The following MTG1 variants were observed in gnomAD, a reference collection of about 807,000 sequenced individuals.
The protein encoded by MTG1 is mitochondrial ribosome-associated GTPase 1.
Under a neutral mutation model 39.5 loss-of-function variants are expected in MTG1, and 30 were observed. The ratio of observed to expected loss-of-function variants is 0.76; its 90% CI spans 0.57 to 1.03. The LOEUF is 1.03. MTG1 is among the 50% of genes least tolerant of loss of function. The pLI is 0.00. For synonymous variants in MTG1, 217 were observed against 179.0 expected, an observed-to-expected ratio of 1.21 and a Z score of -1.69; for missense variants, 513 against 447.4, an observed-to-expected ratio of 1.15 and a Z score of -1.32.
At chr10:133,399,030 T>C (rs1427589750) in intron 4 of MTG1, 140 bp from the exon 5 acceptor site, 4 of 895,144 alleles carry the variant, frequency 4.5e-6, no homozygotes, top group Non-Finnish European at 7.2e-6. Flanking sequence ...GAATTCCAGA[T>C]AGGAGGTTTC....
Position 133,422,389 on chromosome 10 carries a change from G to T in MTG1, c.*2224G>T, listed in dbSNP as rs1850261287. 6.6e-6 allele frequency: 1 copy of T among 152,384 alleles called. No homozygotes were observed. The highest frequency in any genetic ancestry group is 6.5e-5 in the Admixed American group (1 of 15,290). The allele number at this position is 152,384 out of a possible 1,614,324, so 9.4% of individuals were successfully genotyped here. A position where few individuals can be genotyped will look rare whatever the true frequency, so the allele number is the denominator to read the frequency against. On this transcript the variant is annotated 3_prime_UTR_variant, in exon 11 of 11. Coordinates refer to ENST00000317502, the MANE Select transcript of MTG1 (RefSeq NM_138384.4). ...CTTCAGCGGGATTGGCAGTTGCTGT[G>T]CCCTGAGAACAGGCAGAACTGTGTG... is the stretch of plus-strand genomic sequence containing the variant.
chr10:133,409,162 C>T (rs1005853122), intron 9 of MTG1, among the ~76,000 whole-genome samples: 1 of 151,698 alleles, frequency 6.6e-6, no homozygotes, highest in Non-Finnish European at 1.5e-5. Flanking sequence ...CTTTTTTTAG[C>T]GTAGGTGTTT....
chr10:133,410,571 A>G (rs564620026), intron 9 of MTG1, among the ~76,000 whole-genome samples: 12 of 152,298 alleles, frequency 7.9e-5, no homozygotes, highest in African/African-American at 2.9e-4. Context: ...TATGTAGTGT[A>G]CCATCAGGCT....
At chr10:133,398,306 A>G (rs1849818428) in intron 3 of MTG1, 129 bp from the exon 4 acceptor site, 2 of 816,388 alleles carry the variant, frequency 2.4e-6, no homozygotes, top group Admixed American at 5.3e-5. Context: ...AGGCTGAGGC[A>G]TGAGAATCGC....
chr10:133,396,041 G>A (rs1268011389), intron 2 of MTG1, 122 bp from the exon 3 acceptor site: 3 of 944,138 alleles, frequency 3.2e-6, no homozygotes, highest in Non-Finnish European at 5.1e-6. Context: ...CTGCCAACTG[G>A]GGCTTTTCTC....
intron 7 of MTG1, 84 bp downstream of exon 7, chr10:133,401,674 G>C (rs755503050): frequency 3.7e-6 from 5 of 1,360,942 alleles, no homozygotes; most frequent in Non-Finnish European, 5.2e-6. Flanking sequence ...GTGGCTTCCG[G>C]CTGCTGACCA....
intron 1 of MTG1, among the ~76,000 whole-genome samples, chr10:133,395,291 A>G (rs1849765463): frequency 6.6e-6 from 1 of 152,130 alleles, no homozygotes; most frequent in African/African-American, 2.4e-5. Flanking sequence ...GCTACTCGGG[A>G]GGCTGAGGCA....
chr10:133,400,519 C>T (rs1021666375), intron 6 of MTG1, among the ~76,000 whole-genome samples: 2 of 152,312 alleles, frequency 1.3e-5, no homozygotes, highest in Middle Eastern at 6.8e-3. Context: ...ATTAACAAAC[C>T]CATTCATGAT....
chr10:133,419,970 G>T, intron 10 of MTG1, 56 bp from the exon 11 acceptor site: 1 of 1,556,960 alleles, frequency 6.4e-7, no homozygotes. Flanking sequence ...GTGGGTAAGG[G>T]CTGGGCCTGT....
At position 133,416,483 on chromosome 10, in the gene MTG1, A is replaced by G. The variant is rs558169751; in HGVS notation, c.753-2997A>G. Among the ~76,000 whole-genome samples, 14 of 151,428 alleles carry G rather than the reference A, an allele frequency of 9.2e-5. No individual in the cohort carries two copies. The South Asian group carries it at 2.7e-3, about 29-fold the overall frequency. ...TTAGTTACATATGTACACATGTGCC[A>G]TGCTGGTGTACTGCACCCATTAACT... On this transcript the variant is annotated intron_variant, in intron 9 of 10. Transcript: ENST00000317502.
chr10:133,396,429 C>T (rs1231509120), intron 3 of MTG1, among the ~76,000 whole-genome samples, 162 bp downstream of exon 3: 1 of 152,226 alleles, frequency 6.6e-6, no homozygotes, highest in Non-Finnish European at 1.5e-5. Flanking sequence ...AGCATCGTTT[C>T]TCATATGGCG....
At chr10:133,398,289 A>G in intron 3 of MTG1, 146 bp from the exon 4 acceptor site, 1 of 698,374 alleles carries the variant, frequency 1.4e-6, no homozygotes, top group East Asian at 2.9e-5. Context: ...AATCCCTGCT[A>G]CTTGGGAGGC....
chr10:133,400,344 C>T (rs577588091), intron 6 of MTG1, among the ~76,000 whole-genome samples: 4 of 152,372 alleles, frequency 2.6e-5, no homozygotes, highest in Admixed American at 6.5e-5. Context: ...TCCTGGACTC[C>T]GGAGTCGCAG....
chr10:133,415,500 G>A (rs74162008), intron 9 of MTG1, among the ~76,000 whole-genome samples: 10,986 of 152,072 alleles, frequency 0.072, 419 homozygotes, highest in Middle Eastern at 0.13. Context: ...TCACTTGCGT[G>A]GTGTCTGATG....
intron 3 of MTG1, among the ~76,000 whole-genome samples, chr10:133,397,452 T>G (rs1003921293): frequency 6.6e-6 from 1 of 151,262 alleles, no homozygotes; most frequent in Non-Finnish European, 1.5e-5. Context: ...AGCTGTCTTT[T>G]CTTTTATCTC....
intron 9 of MTG1, among the ~76,000 whole-genome samples, chr10:133,404,334 C>T (rs1226470214): frequency 6.6e-6 from 1 of 151,962 alleles, no homozygotes; most frequent in Non-Finnish European, 1.5e-5. Flanking sequence ...CCCATGTTGC[C>T]CAGGCTGGTC....
At position 133,402,547 on chromosome 10, in the gene MTG1, C is replaced by T; in HGVS notation, c.671-145C>T. 1.3e-6 allele frequency: 1 copy of T among 787,730 alleles called. No homozygotes were observed. Among genetic ancestry groups the T allele is most frequent in the South Asian group, 1.7e-5 (1 of 58,010 alleles). The allele number at this position is 787,730 out of a possible 1,614,324, so 48.8% of individuals were successfully genotyped here. ...GGCCGGGACCACAGCCGAGTGCCGTCCTCTTGGTTAGTGTCTTTGTCAGTG... is the reference window on the plus strand; with the variant it reads ...GGCCGGGACCACAGCCGAGTGCCGTTCTCTTGGTTAGTGTCTTTGTCAGTG... On this transcript the variant is annotated intron_variant, in intron 8 of 10. Coordinates refer to ENST00000317502, the MANE Select transcript of MTG1 (RefSeq NM_138384.4). This position sits in a 1 kb window ranked among gnomAD's most constrained non-coding sequence, Gnocchi z 4.7.
At chr10:133,412,301 A>G (rs1589916876) in intron 9 of MTG1, among the ~76,000 whole-genome samples, 1 of 152,148 alleles carries the variant, frequency 6.6e-6, no homozygotes. Context: ...TTTTGATACT[A>G]TTGTAAATGG....
chr10:133,395,067 G>GAGCCAGTGTTACTCTGTGT lies in MTG1; in HGVS notation c.113-645_113-627dup, dbSNP rs555479874. On this transcript the variant is annotated intron_variant, in intron 1 of 10. Coordinates refer to ENST00000317502, the MANE Select transcript of MTG1 (RefSeq NM_138384.4). ...CCCCGCGAGGTAGCAGGGGCCTAAT[G>GAGCCAGTGTTACTCTGTGT]AGCCAGTGTTACTCTGTGTTATAGC... is the stretch of plus-strand genomic sequence containing the variant. Among the ~76,000 whole-genome samples the GAGCCAGTGTTACTCTGTGT allele has an allele frequency of 5.3e-5, 8 of 152,322 alleles. No homozygotes were observed. In the East Asian group the frequency reaches 1.4e-3, roughly 26 times the overall value.
Sources: allele counts gnomAD v4.1 joint callset (sites outside exome capture counted in the v4.1 genomes callset), GRCh38; gene constraint gnomAD v4.1.1; non-coding constraint Gnocchi (gnomAD v3.1); transcripts MANE v1.5; gene names NCBI Gene and HGNC (gene_info 2026-07-23, HGNC 2026-07-21).